SNX2: variants seen among roughly 807,000 people sequenced by gnomAD.
The protein encoded by SNX2 is sorting nexin 2.
A neutral mutation model predicts 69.9 loss-of-function variants in SNX2; 25 were observed. The ratio of observed to expected loss-of-function variants is 0.36; its 90% confidence interval spans 0.26 to 0.50. The LOEUF (loss-of-function observed/expected upper bound fraction) is 0.50. SNX2 is among the 20% of genes least tolerant of loss of function. SNX2 has a pLI of 0.97. For synonymous variants in SNX2, 229 were observed against 200.4 expected (o/e 1.14, Z -1.20); for missense variants, 551 against 613.3 (o/e 0.90, Z 1.07).
chr5:122,780,381 A>G (rs1029132337), intron 1 of SNX2, among the ~76,000 whole-genome samples: 1 of 152,264 alleles, frequency 6.6e-6, no homozygotes, highest in Middle Eastern at 3.4e-3. Context: ...TAGAAATAGT[A>G]TAGAAGACTG....
In SNX2 at chr5:122,813,759, A is replaced by C. The variant is rs1753834036; in HGVS notation, c.723-2137A>C. On this transcript the variant is annotated intron_variant, in intron 7 of 14. Coordinates refer to ENST00000379516, the MANE Select transcript of SNX2 (RefSeq NM_003100.4). ...TTTCCACTTAGGTTTGAAATATTAG[A>C]ATATTTCCTTTTTTTTTTTTTTTTT... is the stretch of plus-strand genomic sequence containing the variant. Among the ~76,000 whole-genome samples, 2 of 150,626 alleles carry C rather than the reference A, an allele frequency of 1.3e-5. 1 individual carries two copies. Among genetic ancestry groups the C allele is most frequent in the South Asian group, 4.2e-4 (2 of 4,780 alleles).
Position 122,818,912 on chromosome 5 carries a change from TGCAGAG to T in SNX2, c.1103_1108del (p.Ala368_Glu369del). The stretch of plus-strand genomic sequence containing the variant: ...CTTTATCTAGAGCTTTGTCTCAGCT[TGCAGAG>T]GTTGAGGAGAAGATAGACCAGTTAC... On this transcript the variant is annotated inframe_deletion, in exon 11 of 15. Transcript: ENST00000379516. 6.2e-7 allele frequency: 1 copy of T among 1,614,042 alleles called. No individual in the cohort carries two copies. The highest frequency in any genetic ancestry group is 8.5e-7 in the Non-Finnish European group (1 of 1,179,928).
chr5:122,821,235 C>A (rs1460469353), intron 11 of SNX2, among the ~76,000 whole-genome samples: 1 of 152,200 alleles, frequency 6.6e-6, no homozygotes, highest in Non-Finnish European at 1.5e-5. Context: ...CCTGTAGTCT[C>A]TGACCTCAGT....
At chr5:122,829,353 C>T (rs538327721) in intron 14 of SNX2, among the ~76,000 whole-genome samples, 22 of 151,690 alleles carry the variant, frequency 1.5e-4, no homozygotes, top group Non-Finnish European at 2.5e-4. Context: ...TACAGGCAAG[C>T]GCCACATTGC....
intron 1 of SNX2, among the ~76,000 whole-genome samples, chr5:122,794,509 G>T (rs947091493): frequency 6.6e-6 from 1 of 152,208 alleles, no homozygotes; most frequent in Non-Finnish European, 1.5e-5. Context: ...TTCAGGATCT[G>T]TTGAGTCACG....
chr5:122,812,402 G>C (rs1440406403), intron 7 of SNX2, among the ~76,000 whole-genome samples: 1 of 152,012 alleles, frequency 6.6e-6, no homozygotes, highest in Admixed American at 6.6e-5. Flanking sequence ...CTTTTCAACT[G>C]CCTGCTCCCT....
intron 8 of SNX2, 35 bp downstream of exon 8, chr5:122,816,006 G>A (rs778232334): frequency 1.7e-6 from 2 of 1,191,266 alleles, no homozygotes; most frequent in Non-Finnish European, 2.4e-6. Flanking sequence ...GTATATGAAT[G>A]TTCTCGTTAT....
chr5:122,812,105 G>A lies in SNX2; in HGVS notation c.722+3750G>A, dbSNP rs1204220885. ...ATTAACTGCAGTAGCCTCCTAATTG[G>A]TGTCCCTGATTCCATTCTTGGCACT... On this transcript the variant is annotated intron_variant, in intron 7 of 14. Coordinates refer to ENST00000379516, the MANE Select transcript of SNX2 (RefSeq NM_003100.4). Among the ~76,000 whole-genome samples, 8 of 152,244 alleles carry A rather than the reference G, an allele frequency of 5.3e-5. No individual in the cohort carries two copies. The East Asian group carries it at 1.5e-3, about 29-fold the overall frequency.
At chr5:122,808,549 AT>A (rs1161859464) in intron 7 of SNX2, 194 bp downstream of exon 7, 2 of 440,032 alleles carry the variant, frequency 4.5e-6, no homozygotes, top group African/African-American at 2.0e-5. Flanking sequence ...GTTCTGTATA[AT>A]TTTTAGTAAT....
intron 1 of SNX2, among the ~76,000 whole-genome samples, chr5:122,793,070 C>T (rs1189669498): frequency 6.6e-6 from 1 of 152,152 alleles, no homozygotes; most frequent in Non-Finnish European, 1.5e-5. Flanking sequence ...TTACTAATAA[C>T]TTCTAAAGCT....
chr5:122,817,150 C>T (rs1753917517), intron 9 of SNX2, 122 bp downstream of exon 9: 3 of 1,117,516 alleles, frequency 2.7e-6, no homozygotes, highest in Admixed American at 3.9e-5. Context: ...TTCTCAGCCA[C>T]ATCAGTTGGC....
intron 14 of SNX2, 52 bp downstream of exon 14, chr5:122,827,698 C>A: frequency 7.7e-7 from 1 of 1,302,584 alleles, no homozygotes; most frequent in Non-Finnish European, 1.1e-6. Flanking sequence ...TTTTGGTATA[C>A]TTTCTTATTT....
rs752705063 is a variant in SNX2 at position 122,775,150 on chromosome 5, C to T, written c.47C>T (p.Thr16Ile). ...EPPPLGDGKP[T>I]DFEDLEDGED... ...CCTCCGCTGGGGGACGGGAAGCCCA[C>T]CGACTTTGAGGATCTGGAGGACGGA... is the stretch of plus-strand genomic sequence containing the variant. The change falls in exon 1 of 15, where the codon ACC becomes ATC. Residue 16 changes from threonine to isoleucine, a missense_variant. Thr to Ile is a moderately conservative substitution (Grantham distance 89). This residue lies in a region of SNX2 where 191 missense variants were observed against 162.9 expected (regional missense o/e 1.17). Coordinates refer to ENST00000379516, the MANE Select transcript of SNX2 (RefSeq NM_003100.4). 2 of 1,597,070 alleles carry T rather than the reference C, an allele frequency of 1.3e-6. No individual in the cohort carries two copies. Among genetic ancestry groups the T allele is most frequent in the Non-Finnish European group, 1.7e-6 (2 of 1,173,478 alleles).
At chr5:122,778,781 G>A (rs1004182462) in intron 1 of SNX2, among the ~76,000 whole-genome samples, 4 of 151,900 alleles carry the variant, frequency 2.6e-5, no homozygotes, top group African/African-American at 9.7e-5. Context: ...TTTCTTATGT[G>A]TATATTTTTT....
intron 4 of SNX2, 49 bp downstream of exon 4, chr5:122,801,984 G>T (rs1753526776): frequency 2.0e-6 from 3 of 1,516,928 alleles, no homozygotes; most frequent in African/African-American, 2.8e-5. Context: ...TTAGTTTGTT[G>T]GTTTTGTATG....
intron 8 of SNX2, among the ~76,000 whole-genome samples, chr5:122,816,421 G>A (rs1036814470): frequency 2.0e-5 from 3 of 151,992 alleles, no homozygotes; most frequent in African/African-American, 7.2e-5. Flanking sequence ...TGAAATGTTT[G>A]GTATATTTTT....
At chr5:122,818,747 GAAAA>G in intron 10 of SNX2, 67 bp from the exon 11 acceptor site, 1 of 1,275,208 alleles carries the variant, frequency 7.8e-7, no homozygotes, top group Non-Finnish European at 1.1e-6. Context: ...GAGAAAAGTG[GAAAA>G]ATCAATACAA....
chr5:122,784,598 C>T (rs570271093), intron 1 of SNX2, among the ~76,000 whole-genome samples: 2 of 151,884 alleles, frequency 1.3e-5, no homozygotes, highest in South Asian at 4.2e-4. Flanking sequence ...GGATAAACCC[C>T]ACACAATCAT....
At chr5:122,802,595 T>A (rs546378602) in intron 5 of SNX2, among the ~76,000 whole-genome samples, 1 of 152,262 alleles carries the variant, frequency 6.6e-6, no homozygotes, top group South Asian at 2.1e-4. Flanking sequence ...AAGAAGAGTG[T>A]GGCACAAGTA....
Sources: allele counts gnomAD v4.1 joint callset (sites outside exome capture counted in the v4.1 genomes callset), GRCh38; gene constraint gnomAD v4.1.1; regional missense constraint gnomAD v4.1.1; transcripts MANE v1.5; gene names NCBI Gene and HGNC (gene_info 2026-07-23, HGNC 2026-07-21).